The following C12orf56 variants were observed in gnomAD, a reference collection of about 807,000 sequenced individuals.
C12orf56 encodes the protein uncharacterized protein C12orf56.
Under a neutral mutation model 69.9 loss-of-function variants are expected in C12orf56, and 71 were observed. That is an observed-to-expected ratio of 1.02 (90% CI 0.84 to 1.24). The LOEUF (loss-of-function observed/expected upper bound fraction) is 1.24, where lower values mean the gene tolerates loss of function less well. Ranked by LOEUF, C12orf56 falls within the 50% of genes most tolerant of loss-of-function variation. C12orf56 has a pLI of 0.00. For missense variants in C12orf56, 732 were observed against 738.5 expected (o/e 0.99, Z 0.10); for synonymous variants, 276 against 274.1 (o/e 1.01, Z -0.07).
At chr12:64,310,706 T>C (rs541820809) in intron 5 of C12orf56, among the ~76,000 whole-genome samples, 23 of 142,392 alleles carry the variant, frequency 1.6e-4, no homozygotes, top group African/African-American at 5.0e-4. Context: ...TTCTTATTTT[T>C]TTCTTCTTCT....
intron 1 of C12orf56, among the ~76,000 whole-genome samples, chr12:64,381,744 GA>G (rs2039721643): frequency 6.6e-6 from 1 of 152,152 alleles, no homozygotes; most frequent in Non-Finnish European, 1.5e-5. Context: ...GGGGGCAACA[GA>G]AAATAGGGTC....
chr12:64,366,033 A>G (rs572534701), intron 1 of C12orf56, among the ~76,000 whole-genome samples: 171 of 117,866 alleles, frequency 1.5e-3, no homozygotes, highest in African/African-American at 5.7e-3. Flanking sequence ...TGTATAATAT[A>G]TAGTTTATAT....
At chr12:64,276,687 T>C (rs946721787) in intron 9 of C12orf56, among the ~76,000 whole-genome samples, 1 of 152,156 alleles carries the variant, frequency 6.6e-6, no homozygotes, top group Non-Finnish European at 1.5e-5. Context: ...TCATAATAGA[T>C]GCTCAATAAA....
In C12orf56 at chr12:64,303,773, C is replaced by T; in HGVS notation, c.975G>A (p.Glu325=). ...AIGSQKPYRS[E]EKIKHFSQLK... ...GTTGACTGAAGTGCTTAATTTTCTC[C>T]TCAGACCTACAGAAACAGAAGAAAA... is the stretch of plus-strand genomic sequence containing the variant. The change falls in exon 6 of 13, where the codon GAG becomes GAA. Residue 325 remains glutamate, a synonymous_variant. Transcript: ENST00000543942. 1.3e-6 allele frequency: 2 copies of T among 1,582,252 alleles called. No homozygotes were observed. Among genetic ancestry groups the T allele is most frequent in the Non-Finnish European group, 1.7e-6 (2 of 1,168,702 alleles).
rs971967616 is a variant in C12orf56, at chr12:64,337,486, T to C, written c.416-6454A>G. Reference sequence around the variant, plus strand: ...ACCCAAAATATACTACTTTGGCATATTGGTTATTTTAACCTGAAGGTGCTT... The same window carrying C: ...ACCCAAAATATACTACTTTGGCATACTGGTTATTTTAACCTGAAGGTGCTT... On this transcript the variant is annotated intron_variant, in intron 2 of 12. Transcript: ENST00000543942. Among the ~76,000 whole-genome samples, 3 of 152,176 alleles carry C rather than the reference T, an allele frequency of 2.0e-5. No individual in the cohort carries two copies. In the East Asian group the frequency reaches 5.8e-4, roughly 29 times the overall value.
At chr12:64,361,561 G>T (rs1334662555) in intron 1 of C12orf56, among the ~76,000 whole-genome samples, 1 of 152,240 alleles carries the variant, frequency 6.6e-6, no homozygotes, top group East Asian at 1.9e-4. Context: ...CCAGTGCCAC[G>T]ACAGTTTACA....
chr12:64,327,901 G>A (rs1472356635), intron 3 of C12orf56, among the ~76,000 whole-genome samples: 2 of 152,136 alleles, frequency 1.3e-5, no homozygotes, highest in Non-Finnish European at 2.9e-5. Flanking sequence ...ATTAGGTACT[G>A]CAGCCATTGT....
intron 1 of C12orf56, among the ~76,000 whole-genome samples, chr12:64,360,892 A>G (rs1162850166): frequency 1.3e-5 from 2 of 152,224 alleles, no homozygotes; most frequent in East Asian, 3.8e-4. Context: ...ATTTATATAC[A>G]TTTGATAAAT....
At chr12:64,385,720 C>T (rs2039779678) in intron 1 of C12orf56, among the ~76,000 whole-genome samples, 1 of 152,110 alleles carries the variant, frequency 6.6e-6, no homozygotes, top group South Asian at 2.1e-4. Flanking sequence ...CCTGGCTTCC[C>T]CCCACCTACA....
intron 2 of C12orf56, among the ~76,000 whole-genome samples, chr12:64,349,119 T>C (rs946577033): frequency 6.6e-6 from 1 of 152,138 alleles, no homozygotes; most frequent in African/African-American, 2.4e-5. Context: ...TCACAATCTA[T>C]ACATCTGACA....
chr12:64,301,487 C>T (rs145734883), intron 6 of C12orf56, among the ~76,000 whole-genome samples: 1 of 152,272 alleles, frequency 6.6e-6, no homozygotes, highest in East Asian at 1.9e-4. Flanking sequence ...CACCCCAGGA[C>T]CTGGACCCAT....
intron 2 of C12orf56, among the ~76,000 whole-genome samples, chr12:64,334,018 T>C (rs1010472472): frequency 6.6e-6 from 1 of 152,228 alleles, no homozygotes; most frequent in Admixed American, 6.5e-5. Flanking sequence ...CTAGTGTGCA[T>C]GTAGCAGTTG....
chr12:64,338,694 C>T, intron 2 of C12orf56: 5 of 1,555,628 alleles, frequency 3.2e-6, no homozygotes, highest in Non-Finnish European at 3.5e-6. Context: ...TCTTCTTCTG[C>T]CTTTGCATCT....
intron 1 of C12orf56, among the ~76,000 whole-genome samples, chr12:64,375,974 G>A (rs1164959846): frequency 6.6e-6 from 1 of 152,152 alleles, no homozygotes; most frequent in Non-Finnish European, 1.5e-5. Flanking sequence ...CACCTTGTGT[G>A]GTGATCTGCT....
chr12:64,372,823 C>A (rs997488084), intron 1 of C12orf56, among the ~76,000 whole-genome samples: 18 of 152,022 alleles, frequency 1.2e-4, no homozygotes, highest in African/African-American at 4.3e-4. Flanking sequence ...CCAGGCTCTA[C>A]TAAGTCCCTA....
chr12:64,269,088 C>T (rs901314786), intron 12 of C12orf56, among the ~76,000 whole-genome samples: 6 of 149,306 alleles, frequency 4.0e-5, no homozygotes, highest in Middle Eastern at 3.4e-3. Flanking sequence ...TGTGATAAGC[C>T]GAGATCACAG....
chr12:64,359,081 A>G (rs1404262875), intron 1 of C12orf56, among the ~76,000 whole-genome samples: 1 of 152,212 alleles, frequency 6.6e-6, no homozygotes, highest in Non-Finnish European at 1.5e-5. Context: ...AGGTCATAAA[A>G]TCTAGGAATA....
chr12:64,346,295 A>G (rs4130777), intron 2 of C12orf56, among the ~76,000 whole-genome samples: 66,327 of 151,852 alleles, frequency 0.44, 14,839 homozygotes, highest in Admixed American at 0.56. Flanking sequence ...ATGTAGGCTG[A>G]GAGGCTAGGC....
At chr12:64,275,538 T>A (rs1258838633) in intron 9 of C12orf56, among the ~76,000 whole-genome samples, 166 bp from the exon 10 acceptor site, 1 of 152,206 alleles carries the variant, frequency 6.6e-6, no homozygotes, top group African/African-American at 2.4e-5. Context: ...CATGGGTCTG[T>A]GCAGCCTCAA....
Sources: gnomAD v4.1 joint callset for allele counts (sites outside exome capture counted in the v4.1 genomes callset) on GRCh38, gnomAD v4.1.1 for gene constraint, MANE v1.5 for transcripts, NCBI Gene and HGNC (gene_info 2026-07-23, HGNC 2026-07-21) for gene names.